The following ANKRD27 variants were observed in gnomAD, a reference collection of about 807,000 sequenced individuals.
ANKRD27 encodes ankyrin repeat domain 27, also known as ankyrin repeat domain-containing protein 27.
In ANKRD27, 112 loss-of-function variants were observed where a neutral mutation model predicts 129.7. The ratio of observed to expected loss-of-function variants is 0.86; its 90% CI spans 0.74 to 1.01. ANKRD27 has a LOEUF of 1.01. ANKRD27 is among the 50% of genes least tolerant of loss of function. The pLI, the probability that ANKRD27 is intolerant of heterozygous loss-of-function variation, is 0.00. For synonymous variants in ANKRD27, 516 were observed against 511.2 expected (o/e 1.01, Z -0.13); for missense variants, 1,258 against 1,300.5 (o/e 0.97, Z 0.50).
intron 22 of ANKRD27, among the ~76,000 whole-genome samples, chr19:32,608,113 C>T (rs1971776798): frequency 6.6e-6 from 1 of 151,842 alleles, no homozygotes; most frequent in Admixed American, 6.6e-5. Flanking sequence ...AAGTGATCCT[C>T]CCGCCTCAGC....
Position 32,598,318 on chromosome 19 carries a change from C to T in ANKRD27, c.2980G>A (p.Ala994Thr). 1.2e-6 allele frequency: 2 copies of T among 1,614,184 alleles called. No individual in the cohort carries two copies. Among genetic ancestry groups the T allele is most frequent in the Non-Finnish European group, 1.7e-6 (2 of 1,180,042 alleles). Reference sequence around the variant, plus strand: ...CAGTCGCTGTTGCCTTTCTCAGCAGCATGAGATCCACTCTGAGCTGGCAGG... The same window carrying T: ...CAGTCGCTGTTGCCTTTCTCAGCAGTATGAGATCCACTCTGAGCTGGCAGG... ...NNLPAQSGSH[A>T]AEKGNSDWPE... Residue 994 changes from alanine (A) to threonine (T), a missense_variant, in exon 29 of 29, where the codon GCT (alanine) becomes ACT (threonine). Ala to Thr is a moderately conservative substitution (Grantham distance 58). Coordinates refer to ENST00000306065, the MANE Select transcript of ANKRD27 (RefSeq NM_032139.3).
In ANKRD27 at chr19:32,639,467, G is replaced by T; in HGVS notation, c.1005C>A (p.Ile335=). ...IPNWMANLSY[I]KNFRFSSLAK... is the part of the protein sequence containing the mutation. The stretch of plus-strand genomic sequence containing the variant: ...CCAAGCTGCTAAACCTGAAGTTTTT[G>T]ATGTAACTCAAATTTGCCATCCTAA... Residue 335 remains isoleucine, a synonymous_variant, in exon 12 of 29, where the codon ATC becomes ATA. Coordinates refer to ENST00000306065, the MANE Select transcript of ANKRD27 (RefSeq NM_032139.3). 1 of 1,613,198 alleles carries T rather than the reference G, an allele frequency of 6.2e-7. No individual in the cohort carries two copies.
intron 1 of ANKRD27, among the ~76,000 whole-genome samples, chr19:32,674,029 C>T (rs893449554): frequency 2.6e-5 from 4 of 151,296 alleles, no homozygotes; most frequent in Admixed American, 6.6e-5. Flanking sequence ...TAGTGGCATG[C>T]GCCTGTAGTC....
intron 10 of ANKRD27, among the ~76,000 whole-genome samples, chr19:32,640,881 T>A (rs1181962498): frequency 3.9e-5 from 6 of 151,978 alleles, no homozygotes; most frequent in Non-Finnish European, 7.4e-5. Context: ...GGTGACAGAG[T>A]GAGACCCTGT....
intron 20 of ANKRD27, among the ~76,000 whole-genome samples, chr19:32,618,285 G>A (rs55687317): frequency 0.4 from 59,684 of 150,992 alleles, 14,784 homozygotes; most frequent in Non-Finnish European, 0.57. Context: ...TTCCTAAGAC[G>A]CCAGCCACCC....
intron 1 of ANKRD27, among the ~76,000 whole-genome samples, chr19:32,662,449 T>C (rs1967665321): frequency 6.6e-6 from 1 of 151,222 alleles, no homozygotes; most frequent in Non-Finnish European, 1.5e-5. Flanking sequence ...CAAGAGGTCT[T>C]ACAGGGGCTG....
At chr19:32,650,678 TAAAA>T (rs929043931) in intron 2 of ANKRD27, among the ~76,000 whole-genome samples, 1 of 128,674 alleles carries the variant, frequency 7.8e-6, no homozygotes, top group Admixed American at 8.0e-5. Context: ...ACTCTGTCTT[TAAAA>T]AAAAAAAAAA....
At chr19:32,654,332 C>T (rs1168981365) in intron 2 of ANKRD27, among the ~76,000 whole-genome samples, 1 of 152,180 alleles carries the variant, frequency 6.6e-6, no homozygotes, top group African/African-American at 2.4e-5. Flanking sequence ...GACCCCATCT[C>T]TACCAAAATA....
intron 26 of ANKRD27, among the ~76,000 whole-genome samples, chr19:32,600,986 G>A (rs995620693): frequency 3.3e-5 from 5 of 151,906 alleles, no homozygotes; most frequent in Admixed American, 6.6e-5. Flanking sequence ...ATCAACCTCC[G>A]TACACGTACA....
chr19:32,667,637 G>A (rs564700506), intron 1 of ANKRD27, among the ~76,000 whole-genome samples: 1 of 152,122 alleles, frequency 6.6e-6, no homozygotes, highest in South Asian at 2.1e-4. Flanking sequence ...GGCGGATCCA[G>A]CCTGGCCAAC....
intron 13 of ANKRD27, among the ~76,000 whole-genome samples, chr19:32,629,912 A>AT (rs1966963364): frequency 1.8e-5 from 1 of 56,836 alleles, no homozygotes. Context: ...TTATTTATTT[A>AT]TTTTTTTAGA....
intron 1 of ANKRD27, among the ~76,000 whole-genome samples, chr19:32,668,639 ATTT>A (rs376174705): frequency 6.7e-6 from 1 of 148,442 alleles, no homozygotes; most frequent in Admixed American, 6.8e-5. Context: ...TGCCTAGCTA[ATTT>A]TTTTTTTATT....
chr19:32,618,954 C>A (rs549231073), intron 20 of ANKRD27, among the ~76,000 whole-genome samples: 2 of 152,272 alleles, frequency 1.3e-5, no homozygotes, highest in South Asian at 2.1e-4. Flanking sequence ...AATCAGCGGA[C>A]TTCTACATGA....
intron 25 of ANKRD27, among the ~76,000 whole-genome samples, chr19:32,603,071 G>A (rs966165229): frequency 6.6e-6 from 1 of 152,104 alleles, no homozygotes; most frequent in African/African-American, 2.4e-5. Context: ...TGCCAAGGGA[G>A]GCGGATCAGT....
At chr19:32,598,826 T>C (rs1458911835) in intron 28 of ANKRD27, among the ~76,000 whole-genome samples, 1 of 152,200 alleles carries the variant, frequency 6.6e-6, no homozygotes, top group East Asian at 1.9e-4. Context: ...ATTAAAATCA[T>C]TTTAATTATC....
At chr19:32,669,104 C>T (rs1172645578) in intron 1 of ANKRD27, among the ~76,000 whole-genome samples, 2 of 152,176 alleles carry the variant, frequency 1.3e-5, no homozygotes, top group African/African-American at 4.8e-5. Flanking sequence ...AGCAACCATG[C>T]CCAGCCTAAG....
intron 23 of ANKRD27, 133 bp from the exon 24 acceptor site, chr19:32,606,087 T>C (rs1971730530): frequency 1.3e-6 from 1 of 780,822 alleles, no homozygotes; most frequent in Non-Finnish European, 1.8e-6. Context: ...ATGCTCAAGT[T>C]TGATATTCTT....
intron 12 of ANKRD27, among the ~76,000 whole-genome samples, chr19:32,637,088 G>T (rs975673522): frequency 1.3e-5 from 2 of 152,148 alleles, no homozygotes; most frequent in Non-Finnish European, 2.9e-5. Flanking sequence ...ATATACATGG[G>T]TAGGAAAAAG....
chr19:32,660,143 A>G (rs1048857415), intron 1 of ANKRD27, among the ~76,000 whole-genome samples: 3 of 152,186 alleles, frequency 2.0e-5, no homozygotes, highest in African/African-American at 7.2e-5. Context: ...TATGGTCTAA[A>G]TGTTTATGTC....
Sources: allele counts gnomAD v4.1 joint callset (sites outside exome capture counted in the v4.1 genomes callset), GRCh38; gene constraint gnomAD v4.1.1; transcripts MANE v1.5; gene names NCBI Gene and HGNC (gene_info 2026-07-23, HGNC 2026-07-21).